Variants in ANKHD1 observed in about 807,000 individuals in gnomAD.
ANKHD1 encodes ankyrin repeat and KH domain containing 1.
ANKHD1 carries 31 observed loss-of-function variants against 230.5 expected under a neutral mutation model. The observed-to-expected ratio is 0.13, with a 90% CI of 0.10 to 0.18. ANKHD1 has a LOEUF of 0.18. Among genes scored for constraint, ANKHD1 ranks in the 10% least tolerant of loss-of-function variants. ANKHD1 has a pLI of 1.00. For synonymous variants in ANKHD1, 1,074 were observed against 1,117.6 expected, an observed-to-expected ratio of 0.96 and a Z score of 0.78; for missense variants, 2,256 against 3,071.3, an observed-to-expected ratio of 0.73 and a Z score of 6.27.
At chr5:140,456,100 C>G (rs1209773146) in intron 7 of ANKHD1, among the ~76,000 whole-genome samples, 1 of 152,132 alleles carries the variant, frequency 6.6e-6, no homozygotes, top group Non-Finnish European at 1.5e-5. Context: ...TGAGTGAACT[C>G]CCATTCACAA....
intron 1 of ANKHD1, among the ~76,000 whole-genome samples, chr5:140,430,698 G>T (rs1446954338): frequency 6.8e-6 from 1 of 146,878 alleles, no homozygotes; most frequent in African/African-American, 2.5e-5. Flanking sequence ...GTCGCCCAGG[G>T]TCCAGGTTGA....
At chr5:140,520,667 A>G (rs1409498785) in intron 24 of ANKHD1, among the ~76,000 whole-genome samples, 1 of 151,440 alleles carries the variant, frequency 6.6e-6, no homozygotes, top group Non-Finnish European at 1.5e-5. Flanking sequence ...TTCTCAGTAA[A>G]CTATTGCAAG....
chr5:140,403,918 G>A (rs1385348916), intron 1 of ANKHD1, among the ~76,000 whole-genome samples: 2 of 152,134 alleles, frequency 1.3e-5, no homozygotes, highest in African/African-American at 4.8e-5. Flanking sequence ...TTAGTATACT[G>A]TCTTATCATT....
chr5:140,427,105 G>A (rs924703522), intron 1 of ANKHD1, among the ~76,000 whole-genome samples: 11 of 151,730 alleles, frequency 7.2e-5, no homozygotes, highest in East Asian at 2.0e-4. Context: ...GGGCAGAGGC[G>A]CCCCTCACTT....
Position 140,485,141 on chromosome 5 carries a change from A to G in ANKHD1, c.1891A>G (p.Thr631Ala). ...ISKGANVNRA[T>A]ANNDHTVVSL... ...CAAAGGTGCCAATGTTAACAGGGCT[A>G]CAGCCAATAATGATCATACAGTAGT... Residue 631 changes from threonine to alanine, a missense_variant, in exon 12 of 34, where the codon ACA becomes GCA. Thr to Ala is a moderately conservative substitution (Grantham distance 58, BLOSUM62 0). Transcript: ENST00000360839. This position sits in a 1 kb window ranked among gnomAD's most constrained non-coding sequence, Gnocchi z 4.8. 6.2e-7 allele frequency: 1 copy of G among 1,612,150 alleles called. No homozygotes were observed. The highest frequency in any genetic ancestry group is 8.5e-7 in the Non-Finnish European group (1 of 1,178,334).
intron 1 of ANKHD1, among the ~76,000 whole-genome samples, chr5:140,430,953 C>T (rs532330049): frequency 6.6e-6 from 1 of 152,284 alleles, no homozygotes; most frequent in East Asian, 1.9e-4. Flanking sequence ...GCATGGGCCA[C>T]ATGTACCCAG....
rs770070807 is a variant in ANKHD1 at position 140,527,092 on chromosome 5, C to T, written c.5087+18C>T. On this transcript the variant is annotated intron_variant, in intron 27 of 33. Transcript: ENST00000360839. This position sits in a 1 kb window ranked among gnomAD's most constrained non-coding sequence, Gnocchi z 4.5. ...GTACGAAGGTAAATAGAATTAGTTCCATCTTTTTAGCTTTCATATATTTTC... is the reference window on the plus strand; with the variant it reads ...GTACGAAGGTAAATAGAATTAGTTCTATCTTTTTAGCTTTCATATATTTTC... 2.5e-6 allele frequency: 4 copies of T among 1,598,088 alleles called. No individual in the cohort carries two copies. Among genetic ancestry groups the T allele is most frequent in the Non-Finnish European group, 3.4e-6 (4 of 1,173,594 alleles).
At chr5:140,421,319 T>A (rs889236713) in intron 1 of ANKHD1, among the ~76,000 whole-genome samples, 42 of 110,858 alleles carry the variant, frequency 3.8e-4, no homozygotes, top group Non-Finnish European at 7.1e-4. Context: ...TTTTTTTTTT[T>A]GAGACAGTTT....
chr5:140,532,090 C>G (rs1266627230), intron 29 of ANKHD1, among the ~76,000 whole-genome samples: 2 of 151,724 alleles, frequency 1.3e-5, no homozygotes, highest in Non-Finnish European at 2.9e-5. Flanking sequence ...TCCTGTAGTC[C>G]CAGCTACTCA....
At chr5:140,408,552 C>G (rs1487529365) in intron 1 of ANKHD1, among the ~76,000 whole-genome samples, 1 of 152,002 alleles carries the variant, frequency 6.6e-6, no homozygotes, top group African/African-American at 2.4e-5. Flanking sequence ...TTCCTTTTTC[C>G]CTGAAAATTA....
At chr5:140,481,816 G>T (rs1232190308) in intron 10 of ANKHD1, among the ~76,000 whole-genome samples, 1 of 151,906 alleles carries the variant, frequency 6.6e-6, no homozygotes, top group African/African-American at 2.4e-5. Flanking sequence ...GAGGGGATAG[G>T]TAAGAGAACT....
intron 7 of ANKHD1, among the ~76,000 whole-genome samples, chr5:140,455,402 A>G (rs1003582512): frequency 1.3e-5 from 2 of 152,152 alleles, no homozygotes; most frequent in African/African-American, 4.8e-5. Context: ...CCTGGCAGAG[A>G]CACAACAAAA....
intron 1 of ANKHD1, among the ~76,000 whole-genome samples, chr5:140,434,246 G>A (rs1773274280): frequency 6.6e-6 from 1 of 151,954 alleles, no homozygotes; most frequent in African/African-American, 2.4e-5. Context: ...GTGGTTAAAA[G>A]CATGGACTCT....
chr5:140,478,459 T>A (rs1376745811), intron 10 of ANKHD1, among the ~76,000 whole-genome samples: 1 of 150,974 alleles, frequency 6.6e-6, no homozygotes, highest in African/African-American at 2.4e-5. Flanking sequence ...ATTCAATCAA[T>A]AAATGTGAAT....
chr5:140,439,429 G>A (rs1432867891), intron 3 of ANKHD1, among the ~76,000 whole-genome samples: 1 of 152,168 alleles, frequency 6.6e-6, no homozygotes, highest in Non-Finnish European at 1.5e-5. Flanking sequence ...AAGCACTTTG[G>A]GAGGCCAAGG....
At chr5:140,428,001 C>T (rs1348404201) in intron 1 of ANKHD1, among the ~76,000 whole-genome samples, 7 of 150,744 alleles carry the variant, frequency 4.6e-5, no homozygotes, top group Non-Finnish European at 5.9e-5. Flanking sequence ...CCGGACAGGG[C>T]GGCAGGGCAG....
rs185808897 is a variant in ANKHD1 at position 140,459,171 on chromosome 5, T to C, written c.1488T>C (p.Asn496=). The part of the protein sequence containing the change: ...MVALLLAQGA[N]INAQTEETQE... ...GTTTTTATACTTTCCTAGGAGCAAA[T>C]ATAAATGCCCAGACAGAAGAAACTC... Residue 496 remains asparagine, a synonymous_variant, in exon 9 of 34, where the codon AAT becomes AAC. Transcript: ENST00000360839. 442 of 1,580,264 alleles carry C rather than the reference T, an allele frequency of 2.8e-4. No individual in the cohort carries two copies. Among genetic ancestry groups the C allele is most frequent in the Admixed American group, 3.7e-4 (21 of 57,164 alleles).
At chr5:140,500,167 C>A (rs1752223738) in intron 15 of ANKHD1, among the ~76,000 whole-genome samples, 1 of 152,016 alleles carries the variant, frequency 6.6e-6, no homozygotes, top group South Asian at 2.1e-4. Context: ...CCGCGCCTGG[C>A]CAAAATTTTC....
intron 1 of ANKHD1, among the ~76,000 whole-genome samples, chr5:140,426,168 C>T (rs895060602): frequency 1.3e-5 from 2 of 152,106 alleles, no homozygotes; most frequent in African/African-American, 2.4e-5. Context: ...CTCGCTCTGC[C>T]GCCCAGGCTG....
Sources: gnomAD v4.1 joint callset for allele counts (sites outside exome capture counted in the v4.1 genomes callset) on GRCh38, gnomAD v4.1.1 for gene constraint, Gnocchi (gnomAD v3.1) non-coding constraint, MANE v1.5 for transcripts, NCBI Gene and HGNC (gene_info 2026-07-23, HGNC 2026-07-21) for gene names.